ZGRF1: variants seen among roughly 807,000 people sequenced by gnomAD.
ZGRF1 encodes zinc finger GRF-type containing 1.
In ZGRF1, 196 loss-of-function variants were observed where a neutral mutation model predicts 203.5. That is an observed-to-expected ratio of 0.96 (90% CI 0.86 to 1.08). The LOEUF is 1.08. Ranked by LOEUF, ZGRF1 falls within the 50% of genes least tolerant of loss-of-function variation. The probability of loss-of-function intolerance (pLI) is 0.00; values close to 1 mark genes in which losing one functional copy is unlikely to be tolerated. For missense variants in ZGRF1, 2,326 were observed against 2,416.3 expected (o/e 0.96, Z 0.78); for synonymous variants, 809 against 841.3 (o/e 0.96, Z 0.66).
Position 112,612,533 on chromosome 4 carries a change from A to G in ZGRF1, c.2658T>C (p.Asp886=), listed in dbSNP as rs1560856735. 1 of 1,602,050 alleles carries G rather than the reference A, an allele frequency of 6.2e-7. No individual in the cohort carries two copies. Among genetic ancestry groups the G allele is most frequent in the Admixed American group, 1.7e-5 (1 of 59,348 alleles). ...GAAAAAAAACCTGTACCTGTTGAGAATCCTTGTGCAGATGAGGAGACTTTG... is the reference window on the plus strand; with the variant it reads ...GAAAAAAAACCTGTACCTGTTGAGAGTCCTTGTGCAGATGAGGAGACTTTG... ...VSPKSPHLHK[D]SQQILKEDEV... The change falls in exon 7 of 28, where the codon GAT becomes GAC. Residue 886 remains aspartate (D), a synonymous_variant. Transcript: ENST00000505019.
chr4:112,588,026 C>T, intron 11 of ZGRF1, 97 bp from the exon 12 acceptor site: 2 of 706,490 alleles, frequency 2.8e-6, no homozygotes, highest in Non-Finnish European at 4.3e-6. Context: ...AATGTAGCAA[C>T]TTGCTCTGAA....
At chr4:112,547,260 T>C in intron 24 of ZGRF1, 25 bp downstream of exon 24, 2 of 1,595,408 alleles carry the variant, frequency 1.3e-6, no homozygotes, top group Non-Finnish European at 1.7e-6. Context: ...AAATGATAAT[T>C]CCGTAAGAAT....
chr4:112,636,477 A>G (rs2047644605), intron 1 of ZGRF1, among the ~76,000 whole-genome samples: 1 of 152,150 alleles, frequency 6.6e-6, no homozygotes, highest in South Asian at 2.1e-4. Context: ...GGAATCATGA[A>G]CTCAACATTG....
At chr4:112,557,706 T>G (rs1220815869) in intron 20 of ZGRF1, among the ~76,000 whole-genome samples, 1 of 152,216 alleles carries the variant, frequency 6.6e-6, no homozygotes, top group East Asian at 1.9e-4. Context: ...TTATAACAAG[T>G]AATAAGCAAG....
Position 112,617,660 on chromosome 4 carries a change from T to TG in ZGRF1, c.2381dup (p.Pro795ThrfsTer3). On this transcript the variant is annotated frameshift_variant, in exon 6 of 28. Coordinates refer to ENST00000505019, the MANE Select transcript of ZGRF1 (RefSeq NM_018392.5). LOFTEE classifies it high-confidence loss of function. ...TTTCAACCTCAACATGGTCAGGGGG[T>TG]GGACTTCTAATCTTTCCCAAATCTT... is the stretch of plus-strand genomic sequence containing the variant. The TG allele has an allele frequency of 6.2e-7, 1 of 1,613,834 alleles. No individual in the cohort carries two copies. Among genetic ancestry groups the TG allele is most frequent in the Non-Finnish European group, 8.5e-7 (1 of 1,179,914 alleles).
chr4:112,609,077 A>G (rs1751196880), intron 8 of ZGRF1, among the ~76,000 whole-genome samples: 1 of 151,052 alleles, frequency 6.6e-6, no homozygotes, highest in African/African-American at 2.4e-5. Flanking sequence ...TTTTTGAGAC[A>G]GAGTCTCACT....
At chr4:112,621,933 G>C (rs947538329) in intron 4 of ZGRF1, among the ~76,000 whole-genome samples, 1 of 151,000 alleles carries the variant, frequency 6.6e-6, no homozygotes, top group Non-Finnish European at 1.5e-5. Flanking sequence ...TCTCCATGTT[G>C]GTCAGGCTGG....
At chr4:112,611,289 G>C (rs1751534976) in intron 7 of ZGRF1, among the ~76,000 whole-genome samples, 1 of 152,186 alleles carries the variant, frequency 6.6e-6, no homozygotes. Context: ...TGTAATCCCA[G>C]CTACTTGGGA....
intron 16 of ZGRF1, among the ~76,000 whole-genome samples, chr4:112,570,009 A>G (rs1021649255): frequency 5.3e-5 from 8 of 152,166 alleles, no homozygotes; most frequent in African/African-American, 1.7e-4. Context: ...TATGTACCCA[A>G]TAAAATAGCC....
chr4:112,585,786 A>G (rs989222546), intron 13 of ZGRF1, 61 bp from the exon 14 acceptor site: 5 of 1,264,308 alleles, frequency 4.0e-6, no homozygotes, highest in Non-Finnish European at 5.3e-6. Flanking sequence ...TTTGTATCAC[A>G]TATGTGCTGT....
chr4:112,617,528 A>G lies in ZGRF1; in HGVS notation c.2514T>C (p.Ala838=). 1.2e-6 allele frequency: 2 copies of G among 1,612,368 alleles called. No homozygotes were observed. The highest frequency in any genetic ancestry group is 1.7e-6 in the Non-Finnish European group (2 of 1,179,588). ...TTTTCAATATTTCCAAGCTGTCTAAAGCAGTACTGTGTTCACATAGCGACT... is the reference window on the plus strand; with the variant it reads ...TTTTCAATATTTCCAAGCTGTCTAAGGCAGTACTGTGTTCACATAGCGACT... ...ILKSLCEHST[A]LDSLEILKKK... is the part of the protein sequence containing the mutation. Residue 838 remains alanine, a synonymous_variant, in exon 6 of 28, where the codon GCT becomes GCC. Coordinates refer to ENST00000505019, the MANE Select transcript of ZGRF1 (RefSeq NM_018392.5).
intron 20 of ZGRF1, among the ~76,000 whole-genome samples, chr4:112,556,480 C>A (rs1414728133): frequency 1.3e-5 from 2 of 152,128 alleles, no homozygotes; most frequent in Non-Finnish European, 1.5e-5. Context: ...AACCTCCACT[C>A]CTGGGTTCCA....
At position 112,589,593 on chromosome 4, in the gene ZGRF1, G is replaced by A. The variant is rs1747804563; in HGVS notation, c.3127+131C>T. ...GATAGAAAAAGTTCAAAGGAAGAAA[G>A]GTTATGGAAAGGCTTCAAGGGATAT... is the stretch of plus-strand genomic sequence containing the variant. On this transcript the variant is annotated intron_variant, in intron 11 of 27. Coordinates refer to ENST00000505019, the MANE Select transcript of ZGRF1 (RefSeq NM_018392.5). 2.1e-5 allele frequency: 16 copies of A among 766,386 alleles called. No homozygotes were observed. The Admixed American group carries it at 3.6e-4, about 17-fold the overall frequency. The allele number at this position is 766,386 out of a possible 1,614,324, so 47.5% of individuals were successfully genotyped here. A position where few individuals can be genotyped will look rare whatever the true frequency, so the allele number is the denominator to read the frequency against.
At chr4:112,605,483 T>C (rs1400220166) in intron 9 of ZGRF1, 4 of 152,458 alleles carry the variant, frequency 2.6e-5, no homozygotes, top group African/African-American at 7.2e-5. Flanking sequence ...TTGCCTTCTA[T>C]GCTGCCATGT....
chr4:112,553,110 A>C (rs1197205870), intron 22 of ZGRF1, among the ~76,000 whole-genome samples: 1 of 152,192 alleles, frequency 6.6e-6, no homozygotes, highest in Non-Finnish European at 1.5e-5. Flanking sequence ...TCCCAAGTAG[A>C]CTCATTTTCT....
intron 3 of ZGRF1, chr4:112,628,923 T>C: frequency 5.3e-6 from 2 of 376,656 alleles, no homozygotes; most frequent in Non-Finnish European, 1.0e-5. Context: ...AATTAGTTTA[T>C]GTATTTAAAA....
chr4:112,541,165 G>T lies in ZGRF1; in HGVS notation c.5702C>A (p.Thr1901Lys). The T allele has an allele frequency of 6.2e-7, 1 of 1,612,002 alleles. No individual in the cohort carries two copies. Among genetic ancestry groups the T allele is most frequent in the African/African-American group, 1.3e-5 (1 of 74,962 alleles). Reference sequence around the variant, plus strand: ...CAATAAAGGGCTCCGCTCTATTTCTGTTACACCATTCATGAGGGCTCCTTT... The same window carrying T: ...CAATAAAGGGCTCCGCTCTATTTCTTTTACACCATTCATGAGGGCTCCTTT... Reference protein sequence around the residue: ...FYKGALMNGVTEIERSPLLEW... With the variant: ...FYKGALMNGVKEIERSPLLEW... The change falls in exon 25 of 28, where the codon ACA becomes AAA. Residue 1901 changes from threonine (T) to lysine (K), a missense_variant. Transcript: ENST00000505019.
chr4:112,633,054 T>C, intron 2 of ZGRF1, 102 bp downstream of exon 2: 1 of 1,053,496 alleles, frequency 9.5e-7, no homozygotes, highest in Non-Finnish European at 1.5e-6. Flanking sequence ...TGTTTTGTTT[T>C]TGCTAAATCT....
At chr4:112,619,836 A>T (rs1046713666) in intron 5 of ZGRF1, 146 bp from the exon 6 acceptor site, 1 of 916,212 alleles carries the variant, frequency 1.1e-6, no homozygotes, top group African/African-American at 1.7e-5. Flanking sequence ...GTCAAAGTAC[A>T]TTCATTTGTA....
Sources: allele counts gnomAD v4.1 joint callset (sites outside exome capture counted in the v4.1 genomes callset), GRCh38; gene constraint gnomAD v4.1.1; transcripts MANE v1.5; gene names NCBI Gene and HGNC (gene_info 2026-07-23, HGNC 2026-07-21).